USH2A: variants seen among roughly 807,000 people sequenced by gnomAD.
The protein encoded by USH2A is usherin.
Under a neutral mutation model 538.9 loss-of-function variants are expected in USH2A, and 443 were observed. The observed-to-expected ratio is 0.82, with a 90% CI of 0.76 to 0.89. The LOEUF is 0.89. Ranked by LOEUF, USH2A falls within the 40% of genes least tolerant of loss-of-function variation. USH2A has a pLI of 0.00. For synonymous variants in USH2A, 2,413 were observed against 2,273.5 expected (o/e 1.06, Z -1.75); for missense variants, 6,633 against 6,324.8 (o/e 1.05, Z -1.65).
chr1:216,180,614 T>C (rs965945507), intron 20 of USH2A, among the ~76,000 whole-genome samples: 1 of 152,060 alleles, frequency 6.6e-6, no homozygotes, highest in Non-Finnish European at 1.5e-5. Context: ...TGTTCATTTG[T>C]TTTTAAGGAA....
At chr1:216,072,451 CCT>C (rs1195409331) in intron 29 of USH2A, 1 of 273,774 alleles carries the variant, frequency 3.7e-6, no homozygotes, top group Non-Finnish European at 7.1e-6. Flanking sequence ...CATAGACACC[CCT>C]GATTCCAACC....
Position 215,790,116 on chromosome 1 carries a change from T to G in USH2A, c.10125A>C (p.Gly3375=). The change falls in exon 51 of 72, where the codon GGA becomes GGC. Residue 3375 remains glycine, a synonymous_variant. Transcript: ENST00000307340. ...PKSQKCCNGV[G]YNPLKYVCSD... ...AGCAAACATATTTCAAAGGATTATA[T>G]CCAACTCCATTACAGCATTTCTGGC... The G allele has an allele frequency of 6.2e-7, 1 of 1,613,932 alleles. No individual in the cohort carries two copies.
At chr1:215,907,978 A>C (rs1571802010) in intron 38 of USH2A, among the ~76,000 whole-genome samples, 2 of 152,166 alleles carry the variant, frequency 1.3e-5, no homozygotes, top group East Asian at 1.9e-4. Flanking sequence ...TTTACAAATA[A>C]ATTACAAAAA....
chr1:216,043,621 A>G (rs1571911924), intron 32 of USH2A, among the ~76,000 whole-genome samples: 2 of 152,134 alleles, frequency 1.3e-5, no homozygotes, highest in African/African-American at 2.4e-5. Context: ...TTCAGGGCCT[A>G]TAGTCACATG....
At chr1:216,018,114 T>A (rs1668760408) in intron 32 of USH2A, among the ~76,000 whole-genome samples, 1 of 152,188 alleles carries the variant, frequency 6.6e-6, no homozygotes, top group South Asian at 2.1e-4. Flanking sequence ...TTAATATGGA[T>A]TACTGTATTA....
intron 41 of USH2A, among the ~76,000 whole-genome samples, chr1:215,881,266 G>A (rs1460940570): frequency 6.6e-6 from 1 of 152,158 alleles, no homozygotes; most frequent in Non-Finnish European, 1.5e-5. Flanking sequence ...TCAGCCCCCT[G>A]AGTGGCTAGG....
chr1:216,205,155 A>G (rs553685465), intron 16 of USH2A, among the ~76,000 whole-genome samples: 2 of 152,210 alleles, frequency 1.3e-5, no homozygotes, highest in Non-Finnish European at 2.9e-5. Flanking sequence ...TATTGCATTA[A>G]GCTGTATGGA....
intron 38 of USH2A, among the ~76,000 whole-genome samples, chr1:215,928,076 G>GACA: frequency 6.6e-6 from 1 of 152,210 alleles, no homozygotes; most frequent in South Asian, 2.1e-4. Flanking sequence ...GTTTATGCCA[G>GACA]ACACTGGAGC....
At chr1:215,630,683 T>G (rs1305194052) in intron 70 of USH2A, among the ~76,000 whole-genome samples, 1 of 150,864 alleles carries the variant, frequency 6.6e-6, no homozygotes, top group Admixed American at 6.6e-5. Context: ...TGAAACCCCG[T>G]CTCTACTAAA....
At chr1:216,100,828 A>G (rs963681192) in intron 21 of USH2A, among the ~76,000 whole-genome samples, 5 of 152,234 alleles carry the variant, frequency 3.3e-5, no homozygotes, top group African/African-American at 1.2e-4. Context: ...ATTATGCACT[A>G]TTTAAGAAAT....
At chr1:215,858,664 GA>G (rs1664235669) in intron 44 of USH2A, among the ~76,000 whole-genome samples, 1 of 151,596 alleles carries the variant, frequency 6.6e-6, no homozygotes, top group Non-Finnish European at 1.5e-5. Context: ...TCAGTGAGCT[GA>G]AAAAGGTTGT....
At chr1:215,981,327 T>C (rs1325657872) in intron 35 of USH2A, among the ~76,000 whole-genome samples, 4 of 152,174 alleles carry the variant, frequency 2.6e-5, no homozygotes, top group Non-Finnish European at 4.4e-5. Flanking sequence ...GTTACATGTG[T>C]TCTAAATATC....
intron 44 of USH2A, among the ~76,000 whole-genome samples, chr1:215,860,998 G>A (rs1172643844): frequency 6.6e-6 from 1 of 152,168 alleles, no homozygotes; most frequent in African/African-American, 2.4e-5. Context: ...GAAAATTTGA[G>A]CTTGTCAAAA....
At chr1:216,078,015 T>C (rs1169323434) in intron 27 of USH2A, 74 bp downstream of exon 27, 2 of 1,591,894 alleles carry the variant, frequency 1.3e-6, no homozygotes, top group African/African-American at 2.7e-5. Context: ...TGCTATCTCT[T>C]GAAACACAGA....
At chr1:216,206,408 A>C (rs1438347510) in intron 16 of USH2A, among the ~76,000 whole-genome samples, 1 of 152,068 alleles carries the variant, frequency 6.6e-6, no homozygotes, top group African/African-American at 2.4e-5. Flanking sequence ...CATTATATTT[A>C]TTATTAGATT....
chr1:216,219,016 ATGTATGTGTAAC>A (rs1399298378), intron 14 of USH2A, among the ~76,000 whole-genome samples: 1 of 151,562 alleles, frequency 6.6e-6, no homozygotes, highest in African/African-American at 2.4e-5. Flanking sequence ...GTGTGTATAT[ATGTATGTGTAAC>A]TGCACCACTC....
chr1:216,021,536 C>T (rs967577329), intron 32 of USH2A, among the ~76,000 whole-genome samples: 8 of 152,072 alleles, frequency 5.3e-5, no homozygotes, highest in East Asian at 3.9e-4. Flanking sequence ...CTATTAGCAG[C>T]GTGAGAACAG....
At chr1:215,819,525 G>T (rs1217572935) in intron 47 of USH2A, among the ~76,000 whole-genome samples, 1 of 151,860 alleles carries the variant, frequency 6.6e-6, no homozygotes, top group East Asian at 1.9e-4. Flanking sequence ...TAGATGACTT[G>T]TACAGCCACA....
intron 11 of USH2A, among the ~76,000 whole-genome samples, chr1:216,264,430 TGAG>T (rs1182054752): frequency 3.3e-5 from 5 of 152,058 alleles, no homozygotes; most frequent in African/African-American, 1.2e-4. Context: ...CCTGAGTAGC[TGAG>T]ATTACAGGTG....
Sources: allele counts gnomAD v4.1 joint callset (sites outside exome capture counted in the v4.1 genomes callset), GRCh38; gene constraint gnomAD v4.1.1; transcripts MANE v1.5; gene names NCBI Gene and HGNC (gene_info 2026-07-23, HGNC 2026-07-21).